Variants in UBE2E1 observed in about 807,000 individuals in gnomAD.
UBE2E1 encodes ubiquitin-conjugating enzyme E2 E1.
Under a neutral mutation model 21.4 loss-of-function variants are expected in UBE2E1, and 6 were observed. The ratio of observed to expected loss-of-function variants is 0.28; its 90% CI spans 0.15 to 0.55. UBE2E1 has a LOEUF of 0.55. Ranked by LOEUF, UBE2E1 falls within the 20% of genes least tolerant of loss-of-function variation. UBE2E1 has a pLI of 0.93. For synonymous variants in UBE2E1, 87 were observed against 82.7 expected (o/e 1.05, Z -0.28); for missense variants, 142 against 236.5 (o/e 0.60, Z 2.62).
intron 3 of UBE2E1, chr3:23,866,537 T>C (rs1488891754): frequency 6.6e-6 from 1 of 152,154 alleles, no homozygotes; most frequent in East Asian, 1.9e-4. Flanking sequence ...AAAAAAGAAT[T>C]GTGCATCTTT....
intron 3 of UBE2E1, among the ~76,000 whole-genome samples, chr3:23,850,679 TTG>T (rs1700303198): frequency 6.9e-6 from 1 of 145,542 alleles, no homozygotes; most frequent in African/African-American, 2.6e-5. Context: ...GCACACCTGA[TTG>T]TTTTTTTTTT....
intron 3 of UBE2E1, among the ~76,000 whole-genome samples, chr3:23,884,324 C>T (rs548485510): frequency 1.3e-5 from 2 of 152,160 alleles, no homozygotes; most frequent in Non-Finnish European, 2.9e-5. Context: ...CAAACTTATG[C>T]TCCTAACTGG....
At chr3:23,825,369 C>G (rs956197684) in intron 3 of UBE2E1, among the ~76,000 whole-genome samples, 1 of 152,190 alleles carries the variant, frequency 6.6e-6, no homozygotes, top group Non-Finnish European at 1.5e-5. Flanking sequence ...GCAGTTACAA[C>G]CAGTGGCTCC....
chr3:23,821,075 T>C (rs1009800536), intron 3 of UBE2E1, among the ~76,000 whole-genome samples: 2 of 152,182 alleles, frequency 1.3e-5, no homozygotes, highest in Non-Finnish European at 2.9e-5. Flanking sequence ...AACATTAGAG[T>C]GTCTGCTGTG....
intron 3 of UBE2E1, among the ~76,000 whole-genome samples, chr3:23,846,698 CAAAAAAAAAAA>C (rs10662469): frequency 1.1e-5 from 1 of 89,852 alleles, no homozygotes; most frequent in African/African-American, 4.4e-5. Flanking sequence ...TCCATCTCAT[CAAAAAAAAAAA>C]AAAAAAAAAG....
chr3:23,848,522 A>G (rs1700257736), intron 3 of UBE2E1, among the ~76,000 whole-genome samples: 1 of 152,136 alleles, frequency 6.6e-6, no homozygotes, highest in Non-Finnish European at 1.5e-5. Flanking sequence ...TACTTAGTAA[A>G]TGTTAGTTTC....
At chr3:23,865,162 C>T (rs895724876) in intron 3 of UBE2E1, among the ~76,000 whole-genome samples, 1 of 152,172 alleles carries the variant, frequency 6.6e-6, no homozygotes. Context: ...AGTCAGCTGG[C>T]CTGTGTCCTC....
At chr3:23,835,038 G>A (rs548423929) in intron 3 of UBE2E1, among the ~76,000 whole-genome samples, 2 of 152,262 alleles carry the variant, frequency 1.3e-5, no homozygotes, top group South Asian at 2.1e-4. Context: ...GGGACTAATT[G>A]TACAATATTT....
At chr3:23,859,800 C>T (rs1038556588) in intron 3 of UBE2E1, among the ~76,000 whole-genome samples, 4 of 152,198 alleles carry the variant, frequency 2.6e-5, no homozygotes, top group Non-Finnish European at 5.9e-5. Flanking sequence ...GATTTGGCCT[C>T]AACCTGCCCA....
At chr3:23,857,912 C>T (rs1176626053) in intron 3 of UBE2E1, among the ~76,000 whole-genome samples, 2 of 151,672 alleles carry the variant, frequency 1.3e-5, no homozygotes, top group South Asian at 2.1e-4. Flanking sequence ...TGCAGTGGTG[C>T]GATCTCGGCT....
Position 23,842,199 on chromosome 3 carries a change from GTGTGTGTGTGTGTGT to G in UBE2E1, c.203+30690_203+30704del, listed in dbSNP as rs1315583104. ...ATGTCATGACCCAGTAAGTGAAGGGGTGTGTGTGTGTGTGTGTGTGTGTGTGTGTGTGTGTGTGTG... is the reference window on the plus strand; with the variant it reads ...ATGTCATGACCCAGTAAGTGAAGGGGGTGTGTGTGTGTGTGTGTGTGTGTG... On this transcript the variant is annotated intron_variant, in intron 3 of 5. Coordinates refer to ENST00000306627, the MANE Select transcript of UBE2E1 (RefSeq NM_003341.5). This position sits in a 1 kb window ranked among gnomAD's most constrained non-coding sequence, Gnocchi z 4.6. 5.7e-4 allele frequency among the ~76,000 whole-genome samples: 32 copies of G among 56,268 alleles called. No individual in the cohort carries two copies. The highest frequency in any genetic ancestry group is 2.2e-3 in the African/African-American group (31 of 14,258). 36.9% of individuals were successfully genotyped at this position (56,268 alleles called of 152,430 possible).
chr3:23,862,335 G>A (rs1700575704), intron 3 of UBE2E1, among the ~76,000 whole-genome samples: 1 of 152,158 alleles, frequency 6.6e-6, no homozygotes, highest in South Asian at 2.1e-4. Context: ...AAAGTTCTTC[G>A]GTTTGGTCAC....
intron 3 of UBE2E1, among the ~76,000 whole-genome samples, chr3:23,845,823 A>G (rs1259362045): frequency 3.3e-5 from 5 of 152,298 alleles, no homozygotes; most frequent in East Asian, 3.9e-4. Context: ...TTGTGTTCCA[A>G]TACAGCTTTA....
intron 3 of UBE2E1, among the ~76,000 whole-genome samples, chr3:23,866,913 T>C (rs1700668693): frequency 6.6e-6 from 1 of 152,216 alleles, no homozygotes; most frequent in African/African-American, 2.4e-5. Context: ...AACTTTTGTG[T>C]TGAGTCCAAA....
chr3:23,856,034 T>C (rs1024681415), intron 3 of UBE2E1, among the ~76,000 whole-genome samples: 5 of 151,998 alleles, frequency 3.3e-5, no homozygotes, highest in African/African-American at 7.2e-5. Flanking sequence ...TGGTTTTTCT[T>C]TTCTTTTCTT....
At chr3:23,814,195 C>T (rs1699461635) in intron 3 of UBE2E1, among the ~76,000 whole-genome samples, 1 of 152,082 alleles carries the variant, frequency 6.6e-6, no homozygotes, top group Non-Finnish European at 1.5e-5. Flanking sequence ...AGAATTGCTC[C>T]TCTTGAAGGA....
chr3:23,874,827 C>G (rs1432514118), intron 3 of UBE2E1, among the ~76,000 whole-genome samples: 2 of 152,218 alleles, frequency 1.3e-5, no homozygotes, highest in Non-Finnish European at 2.9e-5. Flanking sequence ...ATTCTAATCA[C>G]TGCCGTACCC....
At chr3:23,869,872 T>C (rs1326068755) in intron 3 of UBE2E1, among the ~76,000 whole-genome samples, 1 of 152,064 alleles carries the variant, frequency 6.6e-6, no homozygotes, top group East Asian at 1.9e-4. Flanking sequence ...TGAGGGCTGC[T>C]CTTGGGGGGA....
chr3:23,831,969 G>T (rs905828790), intron 3 of UBE2E1, among the ~76,000 whole-genome samples: 1 of 152,044 alleles, frequency 6.6e-6, no homozygotes, highest in African/African-American at 2.4e-5. Flanking sequence ...GCCTCCCAAA[G>T]TGCTGAGGTT....
Sources: gnomAD v4.1 joint callset for allele counts (sites outside exome capture counted in the v4.1 genomes callset) on GRCh38, gnomAD v4.1.1 for gene constraint, Gnocchi (gnomAD v3.1) non-coding constraint, MANE v1.5 for transcripts, NCBI Gene and HGNC (gene_info 2026-07-23, HGNC 2026-07-21) for gene names.